Variants in TRERF1 observed in about 807,000 individuals in gnomAD.
TRERF1 encodes transcriptional-regulating factor 1.
A neutral mutation model predicts 122.9 loss-of-function variants in TRERF1; 27 were observed. The observed-to-expected ratio is 0.22, with a 90% CI of 0.16 to 0.30. The LOEUF is 0.30. Ranked by LOEUF, TRERF1 falls within the 10% of genes least tolerant of loss-of-function variation. TRERF1 has a pLI of 1.00. For synonymous variants in TRERF1, 636 were observed against 641.7 expected, an observed-to-expected ratio of 0.99 and a Z score of 0.13; for missense variants, 1,248 against 1,560.3, an observed-to-expected ratio of 0.80 and a Z score of 3.37.
At chr6:42,272,182 C>A (rs1022005526) in intron 4 of TRERF1, among the ~76,000 whole-genome samples, 27 of 152,212 alleles carry the variant, frequency 1.8e-4, no homozygotes, top group African/African-American at 5.3e-4. Context: ...TTAAAAGATT[C>A]TTTTAGGGAG....
At chr6:42,404,061 G>A (rs893291006) in intron 2 of TRERF1, among the ~76,000 whole-genome samples, 1 of 152,018 alleles carries the variant, frequency 6.6e-6, no homozygotes, top group Non-Finnish European at 1.5e-5. Flanking sequence ...CACCCCACCT[G>A]CAAGAGGGAA....
At chr6:42,262,339 C>G (rs760203574) in intron 8 of TRERF1, among the ~76,000 whole-genome samples, 4 of 151,726 alleles carry the variant, frequency 2.6e-5, no homozygotes, top group Non-Finnish European at 5.9e-5. Context: ...CAGCAGCTAC[C>G]TATTCCTAAG....
chr6:42,298,921 CAG>C (rs1414149822), intron 4 of TRERF1, among the ~76,000 whole-genome samples: 4 of 151,978 alleles, frequency 2.6e-5, no homozygotes, highest in Admixed American at 2.0e-4. Context: ...GACTGGGAAA[CAG>C]AGAGAGATTC....
chr6:42,336,431 T>C (rs1480299099), intron 3 of TRERF1, among the ~76,000 whole-genome samples: 2 of 152,132 alleles, frequency 1.3e-5, no homozygotes, highest in East Asian at 1.9e-4. Flanking sequence ...GAGATCATCA[T>C]AGAGTCAGGA....
At chr6:42,316,434 A>G (rs530078690) in intron 3 of TRERF1, among the ~76,000 whole-genome samples, 1 of 152,142 alleles carries the variant, frequency 6.6e-6, no homozygotes. Context: ...CTTTGTTCTA[A>G]CAAAATTTTG....
In TRERF1 at chr6:42,262,525, G is replaced by C. The variant is rs916334015; in HGVS notation, c.1884+795C>G. Among the ~76,000 whole-genome samples, 15 of 43,902 alleles carry C rather than the reference G, an allele frequency of 3.4e-4. 1 individual carries two copies. The South Asian group carries it at 5.2e-3, about 15-fold the overall frequency. 28.8% of individuals were successfully genotyped at this position (43,902 alleles called of 152,430 possible). On this transcript the variant is annotated intron_variant, in intron 8 of 17. Transcript: ENST00000372922. ...AGAGAGAGAGAGAGAGAGAGAGAGAGAGAGAGAGAGAGAGAGAGAGAGAGA... is the reference window on the plus strand; with the variant it reads ...AGAGAGAGAGAGAGAGAGAGAGAGACAGAGAGAGAGAGAGAGAGAGAGAGA...
rs61581284 is a variant in TRERF1 at position 42,393,916 on chromosome 6, G to GAA, written c.-453-30839_-453-30838dup. Among the ~76,000 whole-genome samples, 8 of 119,032 alleles carry GAA rather than the reference G, an allele frequency of 6.7e-5. No individual in the cohort carries two copies. The East Asian group carries it at 7.4e-4, about 11-fold the overall frequency. The allele number at this position is 119,032 out of a possible 152,430, so 78.1% of individuals were successfully genotyped here. On this transcript the variant is annotated intron_variant, in intron 2 of 17. Coordinates refer to ENST00000372922, the Ensembl canonical transcript of TRERF1. The surrounding 1 kb of genome is among the most constrained non-coding windows in gnomAD (Gnocchi z 4.1). ...CAAACTCTCCAATGTATATATGCAG[G>GAA]AAAAAAAAAAAAAAAAAGACTGGGA...
At chr6:42,372,827 C>G (rs1310979015) in intron 2 of TRERF1, among the ~76,000 whole-genome samples, 1 of 152,186 alleles carries the variant, frequency 6.6e-6, no homozygotes, top group African/African-American at 2.4e-5. Flanking sequence ...CCAGCACACA[C>G]GTGGCACTGA....
chr6:42,381,053 C>T (rs1476470252), intron 2 of TRERF1, among the ~76,000 whole-genome samples: 2 of 152,162 alleles, frequency 1.3e-5, no homozygotes, highest in African/African-American at 4.8e-5. Context: ...TTTGTCTCTC[C>T]CCCATCAGAC....
chr6:42,233,090 C>T (rs1055844077), intron 16 of TRERF1, among the ~76,000 whole-genome samples, 162 bp from the exon 17 acceptor site: 22 of 151,420 alleles, frequency 1.5e-4, no homozygotes, highest in African/African-American at 4.8e-4. Flanking sequence ...CCAATCAAAA[C>T]CTCATCACTG....
chr6:42,411,843 C>T (rs552341017), intron 2 of TRERF1, among the ~76,000 whole-genome samples: 1 of 152,246 alleles, frequency 6.6e-6, no homozygotes, highest in African/African-American at 2.4e-5. Flanking sequence ...GAGAATCTGA[C>T]TTTGAATAAA....
chr6:42,328,265 TCA>T (rs1033704290), intron 3 of TRERF1, among the ~76,000 whole-genome samples: 16 of 152,174 alleles, frequency 1.1e-4, no homozygotes, highest in African/African-American at 3.9e-4. Flanking sequence ...CGCCTCCGCC[TCA>T]CAGAGTGCTA....
chr6:42,304,411 T>C (rs1429703789), intron 3 of TRERF1, among the ~76,000 whole-genome samples: 2 of 152,214 alleles, frequency 1.3e-5, no homozygotes, highest in African/African-American at 4.8e-5. Flanking sequence ...CTGAGCACGC[T>C]GCCCCTGCTC....
At chr6:42,351,999 G>GTGT (rs1554184797) in intron 3 of TRERF1, among the ~76,000 whole-genome samples, 3 of 152,024 alleles carry the variant, frequency 2.0e-5, no homozygotes, top group African/African-American at 4.8e-5. Context: ...TTTGGTGCGG[G>GTGT]TGTTGTTGTT....
chr6:42,387,981 C>T (rs1777089905), intron 2 of TRERF1, among the ~76,000 whole-genome samples: 1 of 151,944 alleles, frequency 6.6e-6, no homozygotes, highest in African/African-American at 2.4e-5. Flanking sequence ...CTAATTTTTA[C>T]ATTTTTAGTA....
intron 2 of TRERF1, among the ~76,000 whole-genome samples, chr6:42,425,067 G>C (rs1783396086): frequency 1.3e-5 from 2 of 152,224 alleles, no homozygotes; most frequent in South Asian, 4.1e-4. Context: ...CTCCTCAGCT[G>C]AGTTATCATG....
At chr6:42,423,344 T>C (rs1045649846) in intron 2 of TRERF1, among the ~76,000 whole-genome samples, 27 of 152,212 alleles carry the variant, frequency 1.8e-4, no homozygotes, top group Non-Finnish European at 3.8e-4. Context: ...TCAGTACGCA[T>C]ATTTGAGCCA....
chr6:42,241,910 CAA>C (rs1202805049), intron 15 of TRERF1, among the ~76,000 whole-genome samples: 3 of 152,168 alleles, frequency 2.0e-5, no homozygotes, highest in African/African-American at 7.2e-5. Context: ...GCCTGGGCAA[CAA>C]AGTGAGACGT....
At chr6:42,243,920 C>T (rs1382011213) in intron 14 of TRERF1, among the ~76,000 whole-genome samples, 7 of 147,482 alleles carry the variant, frequency 4.7e-5, no homozygotes, top group African/African-American at 1.2e-4. Flanking sequence ...GCTCTGTTGC[C>T]GAGGCTGGAG....
Sources: gnomAD v4.1 joint callset for allele counts (sites outside exome capture counted in the v4.1 genomes callset) on GRCh38, gnomAD v4.1.1 for gene constraint, Gnocchi (gnomAD v3.1) non-coding constraint, MANE v1.5 for transcripts, NCBI Gene and HGNC (gene_info 2026-07-23, HGNC 2026-07-21) for gene names.